RTN1: variants seen among roughly 807,000 people sequenced by gnomAD.
The protein encoded by RTN1 is reticulon-1.
Under a neutral mutation model 65.5 loss-of-function variants are expected in RTN1, and 25 were observed. The ratio of observed to expected loss-of-function variants is 0.38; its 90% CI spans 0.28 to 0.53. The LOEUF (loss-of-function observed/expected upper bound fraction) is 0.53, where lower values mean the gene tolerates loss of function less well. Ranked by LOEUF, RTN1 falls within the 20% of genes least tolerant of loss-of-function variation. The pLI, the probability that RTN1 is intolerant of heterozygous loss-of-function variation, is 0.79. For missense variants in RTN1, 983 were observed against 1,025.4 expected, an observed-to-expected ratio of 0.96 and a Z score of 0.57; for synonymous variants, 471 against 447.6, an observed-to-expected ratio of 1.05 and a Z score of -0.66.
At chr14:59,857,057 C>T (rs762297079) in intron 1 of RTN1, among the ~76,000 whole-genome samples, 5 of 152,144 alleles carry the variant, frequency 3.3e-5, no homozygotes, top group African/African-American at 4.8e-5. Flanking sequence ...TCATTCTGTA[C>T]CACGTCATCT....
chr14:59,837,238 A>T (rs921599975), intron 1 of RTN1, among the ~76,000 whole-genome samples: 1 of 152,138 alleles, frequency 6.6e-6, no homozygotes. Context: ...AATAATTAGT[A>T]AATGGTGTTG....
chr14:59,641,117 C>T (rs1047563340), intron 3 of RTN1, among the ~76,000 whole-genome samples: 5 of 151,988 alleles, frequency 3.3e-5, no homozygotes, highest in South Asian at 4.1e-4. Flanking sequence ...TGCCACCGCA[C>T]GTGGCTAATT....
Position 59,785,364 on chromosome 14 carries a change from GTTAAT to G in RTN1, c.242-38888_242-38884del, listed in dbSNP as rs915622707. On this transcript the variant is annotated intron_variant, in intron 1 of 8. Coordinates refer to ENST00000267484, the MANE Select transcript of RTN1 (RefSeq NM_021136.3). ...AAAAGTCACATTTTGCATTATATGA[GTTAAT>G]TTGAGTGCCTCATAATGTAAATACA... Among the ~76,000 whole-genome samples, 19 of 152,270 alleles carry G rather than the reference GTTAAT, an allele frequency of 1.2e-4. 1 individual carries two copies. Among genetic ancestry groups the G allele is most frequent in the Admixed American group, 8.5e-4 (13 of 15,294 alleles).
chr14:59,851,502 A>G (rs1190943795), intron 1 of RTN1, among the ~76,000 whole-genome samples: 1 of 152,208 alleles, frequency 6.6e-6, no homozygotes, highest in Non-Finnish European at 1.5e-5. Flanking sequence ...ATTTCTCTAG[A>G]AAGTATATTA....
At position 59,750,376 on chromosome 14, in the gene RTN1, AT is replaced by A. The variant is rs1566713741; in HGVS notation, c.242-3896del. 9.3e-4 allele frequency among the ~76,000 whole-genome samples: 48 copies of A among 51,748 alleles called. 1 individual carries two copies. Among genetic ancestry groups the A allele is most frequent in the Non-Finnish European group, 1.2e-3 (37 of 31,670 alleles). 33.9% of individuals were successfully genotyped at this position (51,748 alleles called of 152,430 possible). A position where few individuals can be genotyped will look rare whatever the true frequency, so the allele number is the denominator to read the frequency against. On this transcript the variant is annotated intron_variant, in intron 1 of 8. Coordinates refer to ENST00000267484, the MANE Select transcript of RTN1 (RefSeq NM_021136.3). The stretch of plus-strand genomic sequence containing the variant: ...TATTATATCTATATATTATATCTAT[AT>A]ATTATATATTATATCTATAATATAT...
chr14:59,831,839 TC>T (rs1401602076), intron 1 of RTN1, among the ~76,000 whole-genome samples: 4 of 151,800 alleles, frequency 2.6e-5, no homozygotes, highest in South Asian at 4.2e-4. Flanking sequence ...TCTGCCTTGT[TC>T]CCCCCTCACT....
chr14:59,614,248 T>C (rs1882043452), intron 3 of RTN1, among the ~76,000 whole-genome samples: 1 of 152,152 alleles, frequency 6.6e-6, no homozygotes, highest in Non-Finnish European at 1.5e-5. Flanking sequence ...GTACCCTTAA[T>C]TTTGGGGATC....
At chr14:59,813,223 TG>T (rs1380026513) in intron 1 of RTN1, among the ~76,000 whole-genome samples, 1 of 152,222 alleles carries the variant, frequency 6.6e-6, no homozygotes, top group Non-Finnish European at 1.5e-5. Context: ...TTTTTTCTGA[TG>T]TGTGTCATAT....
In RTN1 at chr14:59,848,956, C is replaced by T. The variant is rs77337284; in HGVS notation, c.241+21434G>A. 9.6e-4 allele frequency among the ~76,000 whole-genome samples: 144 copies of T among 149,486 alleles called. No homozygotes were observed. In the East Asian group the frequency reaches 0.016, roughly 16 times the overall value. On this transcript the variant is annotated intron_variant, in intron 1 of 8. Transcript: ENST00000267484. ...TCTATTTCAATAGTCCCCACCCCCC[C>T]GGGAAGAATATGTGGTTTACTTTCC...
intron 3 of RTN1, among the ~76,000 whole-genome samples, chr14:59,646,564 G>A (rs1007546607): frequency 1.1e-4 from 16 of 152,092 alleles, no homozygotes; most frequent in South Asian, 4.2e-4. Flanking sequence ...TAGAGAGAAA[G>A]GGAACCCCAT....
intron 1 of RTN1, among the ~76,000 whole-genome samples, chr14:59,823,285 T>A (rs944744823): frequency 7.9e-5 from 12 of 152,078 alleles, no homozygotes; most frequent in Admixed American, 1.3e-4. Context: ...CTTTTTTTTT[T>A]AAATCATCAT....
intron 1 of RTN1, among the ~76,000 whole-genome samples, chr14:59,817,051 A>G (rs1193916498): frequency 1.3e-5 from 2 of 152,122 alleles, no homozygotes; most frequent in Non-Finnish European, 2.9e-5. Flanking sequence ...AGAATAAGAG[A>G]GGGAATCTTA....
intron 3 of RTN1, among the ~76,000 whole-genome samples, chr14:59,715,775 G>T (rs781399087): frequency 1.3e-5 from 2 of 148,590 alleles, no homozygotes; most frequent in Non-Finnish European, 3.0e-5. Flanking sequence ...GCAGTGAGCC[G>T]ACATCGCACC....
At chr14:59,742,732 T>G (rs1016228911) in intron 2 of RTN1, among the ~76,000 whole-genome samples, 2 of 152,206 alleles carry the variant, frequency 1.3e-5, no homozygotes, top group African/African-American at 4.8e-5. Context: ...TCAGTTTCTA[T>G]GTAGAATTAT....
chr14:59,626,038 A>ACTT (rs1340898911), intron 3 of RTN1, among the ~76,000 whole-genome samples: 2 of 152,206 alleles, frequency 1.3e-5, no homozygotes, highest in Non-Finnish European at 2.9e-5. Context: ...TTTGTATAAT[A>ACTT]CTTTAATAAT....
chr14:59,677,380 T>A (rs537440808), intron 3 of RTN1, among the ~76,000 whole-genome samples: 42 of 152,308 alleles, frequency 2.8e-4, no homozygotes, highest in African/African-American at 9.4e-4. Flanking sequence ...ACTGCTGTGG[T>A]CAATGAGGAA....
At chr14:59,866,783 T>C (rs1038821032) in intron 1 of RTN1, among the ~76,000 whole-genome samples, 1 of 152,178 alleles carries the variant, frequency 6.6e-6, no homozygotes, top group Non-Finnish European at 1.5e-5. Flanking sequence ...AATTTATACC[T>C]TCTGAAGGGG....
At chr14:59,832,167 G>C (rs1887135790) in intron 1 of RTN1, among the ~76,000 whole-genome samples, 1 of 152,156 alleles carries the variant, frequency 6.6e-6, no homozygotes. Context: ...CCAGTGTAAG[G>C]AAGTACACAT....
At chr14:59,700,984 A>G (rs980308598) in intron 3 of RTN1, among the ~76,000 whole-genome samples, 1 of 152,206 alleles carries the variant, frequency 6.6e-6, no homozygotes, top group South Asian at 2.1e-4. Flanking sequence ...AGGAGAATGT[A>G]CCTAGAACAT....
Sources: allele counts gnomAD v4.1 joint callset (sites outside exome capture counted in the v4.1 genomes callset), GRCh38; gene constraint gnomAD v4.1.1; transcripts MANE v1.5; gene names NCBI Gene and HGNC (gene_info 2026-07-23, HGNC 2026-07-21).